The following IGF1R variants were observed in gnomAD, a reference collection of about 807,000 sequenced individuals.
IGF1R encodes the protein insulin-like growth factor 1 receptor.
A neutral mutation model predicts 144.6 loss-of-function variants in IGF1R; 44 were observed. The ratio of observed to expected loss-of-function variants is 0.30; its 90% CI spans 0.24 to 0.39. The LOEUF (loss-of-function observed/expected upper bound fraction) is 0.39. Ranked by LOEUF, IGF1R falls within the 10% of genes least tolerant of loss-of-function variation. The probability of loss-of-function intolerance (pLI) is 1.00; values close to 1 mark genes in which losing one functional copy is unlikely to be tolerated. For synonymous variants in IGF1R, 795 were observed against 722.8 expected, an observed-to-expected ratio of 1.10 and a Z score of -1.60; for missense variants, 1,355 against 1,833.7, an observed-to-expected ratio of 0.74 and a Z score of 4.77.
intron 2 of IGF1R, among the ~76,000 whole-genome samples, chr15:98,736,357 GATA>G (rs1471022396): frequency 6.6e-6 from 1 of 152,162 alleles, no homozygotes; most frequent in Non-Finnish European, 1.5e-5. Flanking sequence ...TAAAAGCTTG[GATA>G]ATAAAAACCC....
chr15:98,863,732 G>A (rs969624617), intron 2 of IGF1R, among the ~76,000 whole-genome samples: 1 of 152,196 alleles, frequency 6.6e-6, no homozygotes, highest in Non-Finnish European at 1.5e-5. Context: ...GATGACAGGA[G>A]ATGTTAATTG....
intron 19 of IGF1R, among the ~76,000 whole-genome samples, chr15:98,946,039 C>G (rs1448212687): frequency 6.6e-6 from 1 of 151,884 alleles, no homozygotes; most frequent in Non-Finnish European, 1.5e-5. Context: ...ACGACGATGA[C>G]AGCGTCGTCG....
chr15:98,830,865 A>T (rs1805905993), intron 2 of IGF1R, among the ~76,000 whole-genome samples: 1 of 152,154 alleles, frequency 6.6e-6, no homozygotes, highest in Non-Finnish European at 1.5e-5. Flanking sequence ...TGGCTTCCCA[A>T]AGTGCTGGGA....
intron 14 of IGF1R, 33 bp from the exon 15 acceptor site, chr15:98,930,202 G>C: frequency 6.6e-7 from 1 of 1,508,024 alleles, no homozygotes; most frequent in East Asian, 2.3e-5. Flanking sequence ...TGGAGGTGGG[G>C]TTTTGTTAAC....
chr15:98,957,941 CCTTTAT>C lies in IGF1R; in HGVS notation c.*504_*509del, dbSNP rs2017075076. ...AAACACGTGGAGATGGAAATTTTTA[CCTTTAT>C]CTTTCACCTTTCTAGGGACATGAAA... On this transcript the variant is annotated 3_prime_UTR_variant, in exon 21 of 21. Transcript: ENST00000650285. 1 of 238,706 alleles carries C rather than the reference CCTTTAT, an allele frequency of 4.2e-6. No homozygotes were observed. Among genetic ancestry groups the C allele is most frequent in the Non-Finnish European group, 8.2e-6 (1 of 121,392 alleles). 14.8% of individuals were successfully genotyped at this position (238,706 alleles called of 1,614,324 possible). A position where few individuals can be genotyped will look rare whatever the true frequency, so the allele number is the denominator to read the frequency against.
In IGF1R at chr15:98,775,950, G is replaced by C. The variant is rs2055702224; in HGVS notation, c.640+67843G>C. Reference sequence around the variant, plus strand: ...TTGTGGGAGGAAGAGACTGATAGTTGAAAGAATATTTGCCTAAATACAGTG... The same window carrying C: ...TTGTGGGAGGAAGAGACTGATAGTTCAAAGAATATTTGCCTAAATACAGTG... On this transcript the variant is annotated intron_variant, in intron 2 of 20. Coordinates refer to ENST00000650285, the MANE Select transcript of IGF1R (RefSeq NM_000875.5). Among the ~76,000 whole-genome samples the C allele has an allele frequency of 3.9e-5, 6 of 152,286 alleles. No homozygotes were observed. In the South Asian group the frequency reaches 1.2e-3, roughly 32 times the overall value.
intron 2 of IGF1R, among the ~76,000 whole-genome samples, chr15:98,750,857 A>G (rs569936403): frequency 6.6e-6 from 1 of 152,178 alleles, no homozygotes; most frequent in South Asian, 2.1e-4. Context: ...CGTGATCACT[A>G]CTCACTGCAG....
chr15:98,703,041 CA>C (rs1264784653), intron 1 of IGF1R, among the ~76,000 whole-genome samples: 1 of 152,158 alleles, frequency 6.6e-6, no homozygotes, highest in Non-Finnish European at 1.5e-5. Context: ...TGACTCCCAG[CA>C]CCCCCATCTG....
At chr15:98,667,823 C>G (rs1404562193) in intron 1 of IGF1R, among the ~76,000 whole-genome samples, 1 of 152,114 alleles carries the variant, frequency 6.6e-6, no homozygotes, top group South Asian at 2.1e-4. Flanking sequence ...AAAGCAAACC[C>G]GAATGACCAC....
intron 2 of IGF1R, among the ~76,000 whole-genome samples, chr15:98,865,376 G>A (rs1359918564): frequency 6.6e-6 from 1 of 152,232 alleles, no homozygotes; most frequent in East Asian, 1.9e-4. Context: ...AGGTACAGGC[G>A]TGGATCTGGG....
rs565450721 is a variant in IGF1R, at chr15:98,649,013, G to A, written c.-569G>A. On this transcript the variant is annotated 5_prime_UTR_variant, in exon 1 of 21. Coordinates refer to ENST00000650285, the MANE Select transcript of IGF1R (RefSeq NM_000875.5). ...GGCGGCGGCGGCGCTGAGGGAGGAG[G>A]CGGCGGCGAGCGGAGCCAGGAGGAG... 1 of 204,024 alleles carries A rather than the reference G, an allele frequency of 4.9e-6. No homozygotes were observed. Among genetic ancestry groups the A allele is most frequent in the Non-Finnish European group, 9.3e-6 (1 of 107,298 alleles). 12.6% of individuals were successfully genotyped at this position (204,024 alleles called of 1,614,324 possible). A position where few individuals can be genotyped will look rare whatever the true frequency, so the allele number is the denominator to read the frequency against.
At chr15:98,946,771 G>T (rs1394979876) in intron 19 of IGF1R, among the ~76,000 whole-genome samples, 1 of 152,196 alleles carries the variant, frequency 6.6e-6, no homozygotes, top group African/African-American at 2.4e-5. Context: ...GGAGGGCCAG[G>T]GTGGGAGCCG....
At chr15:98,746,947 A>G (rs1443621496) in intron 2 of IGF1R, among the ~76,000 whole-genome samples, 1 of 152,174 alleles carries the variant, frequency 6.6e-6, no homozygotes, top group Admixed American at 6.5e-5. Flanking sequence ...TTCTTACATC[A>G]TATCTCTTGA....
intron 2 of IGF1R, among the ~76,000 whole-genome samples, chr15:98,882,370 G>C (rs1342438824): frequency 6.6e-6 from 1 of 152,232 alleles, no homozygotes; most frequent in African/African-American, 2.4e-5. Context: ...TCTGGCAGTG[G>C]AGTAGCACTT....
intron 2 of IGF1R, among the ~76,000 whole-genome samples, chr15:98,753,144 GGATGGTCTT>G (rs2055059296): frequency 6.6e-6 from 1 of 151,796 alleles, no homozygotes; most frequent in South Asian, 2.1e-4. Context: ...ATGTTAGCCA[GGATGGTCTT>G]GATCTCCTGA....
chr15:98,851,087 G>GC (rs2011510281), intron 2 of IGF1R, among the ~76,000 whole-genome samples: 1 of 152,184 alleles, frequency 6.6e-6, no homozygotes, highest in African/African-American at 2.4e-5. Context: ...GGCAAGGGAA[G>GC]CCGTGGAGAA....
chr15:98,769,514 A>C (rs148145488), intron 2 of IGF1R, among the ~76,000 whole-genome samples: 4 of 152,364 alleles, frequency 2.6e-5, no homozygotes, highest in African/African-American at 9.6e-5. Context: ...GAAAGAAGAC[A>C]CTATGTCATC....
intron 1 of IGF1R, among the ~76,000 whole-genome samples, chr15:98,678,229 C>T (rs773672555): frequency 2.0e-5 from 3 of 152,036 alleles, no homozygotes; most frequent in African/African-American, 4.8e-5. Context: ...TTTTTGGTTG[C>T]GGTGGGTGGC....
At chr15:98,916,607 T>A in intron 9 of IGF1R, 65 bp from the exon 10 acceptor site, 1 of 1,361,674 alleles carries the variant, frequency 7.3e-7, no homozygotes, top group African/African-American at 1.4e-5. Flanking sequence ...GCTATTATTT[T>A]TCCTTACAAG....
Sources: allele counts gnomAD v4.1 joint callset (sites outside exome capture counted in the v4.1 genomes callset), GRCh38; gene constraint gnomAD v4.1.1; transcripts MANE v1.5; gene names NCBI Gene and HGNC (gene_info 2026-07-23, HGNC 2026-07-21).